Variants in ARB2A observed in about 807,000 individuals in gnomAD.
ARB2A encodes the protein cotranscriptional regulator ARB2A.
the ARB2A span, among the ~76,000 whole-genome samples, chr5:93,660,427 A>G: frequency 6.6e-6 from 1 of 152,112 alleles, no homozygotes; most frequent in Non-Finnish European, 1.5e-5. Context: ...TTTATGAAGA[A>G]AGCAGAACTT....
the ARB2A span, chr5:93,620,755 AGCGCTCAGCCC>A: frequency 2.1e-4 from 93 of 436,154 alleles, no homozygotes; most frequent in Middle Eastern, 3.1e-4. Flanking sequence ...GCTGACTGGC[AGCGCTCAGCCC>A]GCGCTCAGCC....
the ARB2A span, among the ~76,000 whole-genome samples, chr5:94,054,327 C>T: frequency 1.1e-4 from 17 of 152,182 alleles, no homozygotes; most frequent in Non-Finnish European, 2.1e-4. Context: ...TATTATCTCT[C>T]CCCAGTCTCT....
the ARB2A span, among the ~76,000 whole-genome samples, chr5:94,083,988 A>C: frequency 1.1e-4 from 16 of 152,242 alleles, 1 homozygote; most frequent in South Asian, 6.2e-4. Flanking sequence ...AATAGCAAAA[A>C]TTGGCCAGGC....
At chr5:94,072,358 TCACACACACA>T in the ARB2A span, among the ~76,000 whole-genome samples, 1 of 149,498 alleles carries the variant, frequency 6.7e-6, no homozygotes, top group Non-Finnish European at 1.5e-5. Flanking sequence ...CCAAACACAC[TCACACACACA>T]CACACACAAA....
chr5:94,060,240 T>C, the ARB2A span, among the ~76,000 whole-genome samples: 1 of 152,042 alleles, frequency 6.6e-6, no homozygotes, highest in Non-Finnish European at 1.5e-5. Context: ...TAATCTCAGC[T>C]ACTCAGGAGG....
chr5:93,690,123 C>T, the ARB2A span, among the ~76,000 whole-genome samples: 10 of 152,218 alleles, frequency 6.6e-5, no homozygotes, highest in South Asian at 2.1e-4. Flanking sequence ...CAAAACTGGG[C>T]GGCTGTTTGG....
At chr5:93,836,128 C>T in the ARB2A span, among the ~76,000 whole-genome samples, 20 of 152,112 alleles carry the variant, frequency 1.3e-4, no homozygotes, top group African/African-American at 4.8e-4. Context: ...CCCAGGTTCG[C>T]GCCATTCTCC....
the ARB2A span, among the ~76,000 whole-genome samples, chr5:94,075,257 C>T: frequency 1.3e-5 from 2 of 151,956 alleles, no homozygotes; most frequent in Non-Finnish European, 2.9e-5. Context: ...AAAGTATCTA[C>T]AAATTTCCTA....
the ARB2A span, among the ~76,000 whole-genome samples, chr5:94,110,665 C>T: frequency 6.6e-6 from 1 of 152,156 alleles, no homozygotes; most frequent in Non-Finnish European, 1.5e-5. Flanking sequence ...AAGAATACAC[C>T]TTATCAATGA....
the ARB2A span, among the ~76,000 whole-genome samples, chr5:94,082,161 T>C: frequency 6.6e-6 from 1 of 152,188 alleles, no homozygotes; most frequent in African/African-American, 2.4e-5. Flanking sequence ...TCTCTGTCAA[T>C]GGTAATTTGC....
the ARB2A span, among the ~76,000 whole-genome samples, chr5:93,653,992 A>C: frequency 2.0e-5 from 3 of 152,342 alleles, no homozygotes; most frequent in South Asian, 4.1e-4. Flanking sequence ...TTTGCATTTT[A>C]AAATAATTTA....
chr5:94,036,290 T>C, the ARB2A span, among the ~76,000 whole-genome samples: 1 of 152,178 alleles, frequency 6.6e-6, no homozygotes, highest in African/African-American at 2.4e-5. Flanking sequence ...TATTAGAAAA[T>C]TCACAAAGCT....
chr5:93,727,495 ATTACT>A, the ARB2A span, among the ~76,000 whole-genome samples: 1 of 152,040 alleles, frequency 6.6e-6, no homozygotes, highest in South Asian at 2.1e-4. Context: ...TCTCAGAATA[ATTACT>A]TAACTTCCAT....
the ARB2A span, chr5:93,865,669 T>C: frequency 1.0e-6 from 1 of 985,370 alleles, no homozygotes; most frequent in Non-Finnish European, 1.2e-6. Flanking sequence ...ATATTTATCA[T>C]CTAAAGATCT....
the ARB2A span, among the ~76,000 whole-genome samples, chr5:93,846,333 G>A: frequency 6.6e-6 from 1 of 150,594 alleles, no homozygotes; most frequent in South Asian, 2.1e-4. Context: ...GTGAGACCCT[G>A]TCTCTAAAAA....
chr5:94,111,228 C>T, the ARB2A span, among the ~76,000 whole-genome samples: 1 of 152,190 alleles, frequency 6.6e-6, no homozygotes, highest in African/African-American at 2.4e-5. Context: ...ATTACTCTGT[C>T]TCCAGGGACT....
the ARB2A span, among the ~76,000 whole-genome samples, chr5:93,803,035 T>C: frequency 2.6e-5 from 4 of 152,084 alleles, no homozygotes; most frequent in Admixed American, 2.0e-4. Flanking sequence ...TTAACAATTA[T>C]GAGTTACTTC....
At chr5:93,739,131 G>C in the ARB2A span, 1 of 152,128 alleles carries the variant, frequency 6.6e-6, no homozygotes, top group South Asian at 2.1e-4. Context: ...CTCCCAAAGT[G>C]CTGGGATTAC....
At chr5:94,018,235 G>A in the ARB2A span, among the ~76,000 whole-genome samples, 6 of 152,164 alleles carry the variant, frequency 3.9e-5, no homozygotes, top group Admixed American at 6.5e-5. Context: ...CCCCTGATGA[G>A]ACATCAGCTG....
Sources: gnomAD v4.1 joint callset for allele counts (sites outside exome capture counted in the v4.1 genomes callset) on GRCh38, gnomAD v4.1.1 for gene constraint, MANE v1.5 for transcripts, NCBI Gene and HGNC (gene_info 2026-07-23, HGNC 2026-07-21) for gene names.